CIMIP4: variants seen among roughly 807,000 people sequenced by gnomAD.
CIMIP4 encodes ciliary microtubule inner protein 4, also known as protein EAN57.
the CIMIP4 span, among the ~76,000 whole-genome samples, chr22:36,993,246 G>A: frequency 6.6e-6 from 1 of 151,782 alleles, no homozygotes; most frequent in Admixed American, 6.6e-5. Context: ...TCTTGACCTT[G>A]TGATCCGCCC....
the CIMIP4 span, among the ~76,000 whole-genome samples, chr22:37,002,786 C>T: frequency 2.6e-5 from 4 of 152,204 alleles, no homozygotes; most frequent in East Asian, 7.7e-4. Flanking sequence ...AGCCACATGC[C>T]TGGGAAGTAC....
chr22:36,997,832 A>C, the CIMIP4 span, among the ~76,000 whole-genome samples: 1 of 152,296 alleles, frequency 6.6e-6, no homozygotes, highest in Admixed American at 6.5e-5. Flanking sequence ...CTGTGCAGCC[A>C]TACCAGCCTC....
chr22:37,004,983 C>T, the CIMIP4 span, among the ~76,000 whole-genome samples: 549 of 152,232 alleles, frequency 3.6e-3, 4 homozygotes, highest in African/African-American at 0.013. Context: ...CCACCGTGCC[C>T]GGCCTGTGAC....
chr22:36,991,281 A>T, the CIMIP4 span: 1 of 1,614,140 alleles, frequency 6.2e-7, no homozygotes, highest in Non-Finnish European at 8.5e-7. Flanking sequence ...ACCGCCCTAC[A>T]GCGAGCAGGA....
At chr22:37,003,832 C>A in the CIMIP4 span, 1 of 819,406 alleles carries the variant, frequency 1.2e-6, no homozygotes, top group Non-Finnish European at 1.8e-6. Context: ...CCCTAGGAAG[C>A]CTGGGCCGAT....
the CIMIP4 span, chr22:37,004,001 G>A: frequency 6.5e-7 from 1 of 1,548,556 alleles, no homozygotes; most frequent in Non-Finnish European, 8.7e-7. Flanking sequence ...CTCTTGCTGT[G>A]GGACAGGCAA....
At chr22:37,004,331 C>A in the CIMIP4 span, among the ~76,000 whole-genome samples, 3 of 151,818 alleles carry the variant, frequency 2.0e-5, no homozygotes, top group African/African-American at 4.8e-5. Flanking sequence ...AGCCTTGGAA[C>A]CCTGGGCTCA....
the CIMIP4 span, among the ~76,000 whole-genome samples, chr22:36,992,661 GTTCTC>G: frequency 6.6e-6 from 1 of 152,092 alleles, no homozygotes; most frequent in East Asian, 1.9e-4. Context: ...TATAAACTAA[GTTCTC>G]TTCTTTTCCA....
the CIMIP4 span, among the ~76,000 whole-genome samples, chr22:37,004,837 A>G: frequency 0.69 from 104,972 of 151,576 alleles, 37,901 homozygotes; most frequent in African/African-American, 0.91. Flanking sequence ...ACAGGTGTGC[A>G]CCACCACATC....
the CIMIP4 span, among the ~76,000 whole-genome samples, chr22:36,995,560 G>A: frequency 2.6e-5 from 4 of 152,116 alleles, no homozygotes; most frequent in East Asian, 1.9e-4. Flanking sequence ...CAGGACTCAC[G>A]GCCATGCCAA....
the CIMIP4 span, among the ~76,000 whole-genome samples, chr22:36,995,481 G>A: frequency 8.5e-5 from 13 of 152,130 alleles, no homozygotes; most frequent in Admixed American, 4.6e-4. Flanking sequence ...GCCACTCACC[G>A]TGGCCATATT....
chr22:36,997,068 T>A, the CIMIP4 span, among the ~76,000 whole-genome samples: 1 of 152,198 alleles, frequency 6.6e-6, no homozygotes, highest in Non-Finnish European at 1.5e-5. Flanking sequence ...ATGCCTGAGC[T>A]CGTCATCTCA....
the CIMIP4 span, chr22:37,002,328 G>T: frequency 7.6e-7 from 1 of 1,307,488 alleles, no homozygotes; most frequent in Admixed American, 3.7e-5. Flanking sequence ...GAGAAACAGA[G>T]GGGGAGGGAG....
chr22:36,991,669 G>C, the CIMIP4 span: 2 of 1,175,866 alleles, frequency 1.7e-6, no homozygotes, highest in Non-Finnish European at 2.6e-6. Flanking sequence ...TTGGGTGTCA[G>C]TTTCCTCTAC....
chr22:36,994,935 A>T, the CIMIP4 span, among the ~76,000 whole-genome samples: 1 of 152,158 alleles, frequency 6.6e-6, no homozygotes. Flanking sequence ...CGGCCTGGAG[A>T]GATTATTCTT....
At chr22:36,994,309 G>GTTATTA in the CIMIP4 span, among the ~76,000 whole-genome samples, 1 of 151,854 alleles carries the variant, frequency 6.6e-6, no homozygotes, top group African/African-American at 2.4e-5. Flanking sequence ...CCAAGAGATT[G>GTTATTA]TTATTATTAT....
chr22:36,999,565 G>C, the CIMIP4 span, among the ~76,000 whole-genome samples: 1 of 31,914 alleles, frequency 3.1e-5, no homozygotes, highest in African/African-American at 2.3e-4. Flanking sequence ...GGGGAGGGGA[G>C]GGGGGAGGGG....
the CIMIP4 span, chr22:36,999,937 G>A: frequency 6.2e-7 from 1 of 1,613,998 alleles, no homozygotes; most frequent in South Asian, 1.1e-5. Flanking sequence ...TGGGCCATGA[G>A]CTTGCCCTTT....
the CIMIP4 span, among the ~76,000 whole-genome samples, chr22:36,998,577 G>A: frequency 6.6e-6 from 1 of 152,302 alleles, no homozygotes; most frequent in South Asian, 2.1e-4. Context: ...AGCTAGGGAG[G>A]TGACTTAGTG....
Sources: gnomAD v4.1 joint callset for allele counts (sites outside exome capture counted in the v4.1 genomes callset) on GRCh38, gnomAD v4.1.1 for gene constraint, MANE v1.5 for transcripts, NCBI Gene and HGNC (gene_info 2026-07-23, HGNC 2026-07-21) for gene names.